Variants in CSMD3 observed in about 807,000 individuals in gnomAD.
CSMD3 encodes CUB and Sushi multiple domains 3.
CSMD3 carries 177 observed loss-of-function variants against 435.2 expected under a neutral mutation model. The ratio of observed to expected loss-of-function variants is 0.41; its 90% CI spans 0.36 to 0.46. CSMD3 has a LOEUF of 0.46. Ranked by LOEUF, CSMD3 falls within the 20% of genes least tolerant of loss-of-function variation. CSMD3 has a pLI of 0.34. For missense variants in CSMD3, 4,265 were observed against 4,504.6 expected (o/e 0.95, Z 1.52); for synonymous variants, 1,656 against 1,520.5 (o/e 1.09, Z -2.07).
chr8:113,298,300 G>A (rs2093737324), intron 2 of CSMD3, among the ~76,000 whole-genome samples: 1 of 151,818 alleles, frequency 6.6e-6, no homozygotes. Flanking sequence ...AAATACTTAC[G>A]TATTTTAACC....
rs113523179 is a variant in CSMD3 at position 112,795,435 on chromosome 8, A to C, written c.1972+4727T>G. Reference sequence around the variant, plus strand: ...GATGAAATGTATTTGAACTCTCTGCAGTTGGTAAAGATTCTTTTCCACATA... The same window carrying C: ...GATGAAATGTATTTGAACTCTCTGCCGTTGGTAAAGATTCTTTTCCACATA... On this transcript the variant is annotated intron_variant, in intron 13 of 70. Coordinates refer to ENST00000297405, the MANE Select transcript of CSMD3 (RefSeq NM_198123.2). Among the ~76,000 whole-genome samples the C allele has an allele frequency of 3.0e-3, 457 of 152,310 alleles. 4 individuals carry two copies. The highest frequency in any genetic ancestry group is 0.01 in the African/African-American group (431 of 41,588).
intron 67 of CSMD3, among the ~76,000 whole-genome samples, chr8:112,234,969 A>G (rs1375126411): frequency 6.6e-6 from 1 of 152,188 alleles, no homozygotes; most frequent in Non-Finnish European, 1.5e-5. Flanking sequence ...AGGAGGTATA[A>G]GTAAGGTACA....
chr8:113,095,131 G>C lies in CSMD3; in HGVS notation c.917+3625C>G, dbSNP rs936223594. ...GTGCATCTATTATGTAAAATTCCCT[G>C]AACAATTTATTCATAATATCTGTTC... On this transcript the variant is annotated intron_variant, in intron 5 of 70. Transcript: ENST00000297405. Among the ~76,000 whole-genome samples the C allele has an allele frequency of 2.0e-5, 3 of 151,328 alleles. 1 individual carries two copies. Among genetic ancestry groups the C allele is most frequent in the Admixed American group, 2.0e-4 (3 of 15,168 alleles).
At chr8:112,918,551 G>A (rs902187847) in intron 10 of CSMD3, among the ~76,000 whole-genome samples, 1 of 151,726 alleles carries the variant, frequency 6.6e-6, no homozygotes, top group African/African-American at 2.4e-5. Flanking sequence ...GGTCTAAAAT[G>A]AACATTCTAC....
intron 1 of CSMD3, among the ~76,000 whole-genome samples, chr8:113,358,590 T>G (rs560623848): frequency 6.6e-6 from 1 of 152,298 alleles, no homozygotes; most frequent in African/African-American, 2.4e-5. Context: ...ATAGAAAACT[T>G]TTTTAAAGGA....
At chr8:112,840,279 G>A (rs182033059) in intron 11 of CSMD3, among the ~76,000 whole-genome samples, 2 of 151,868 alleles carry the variant, frequency 1.3e-5, no homozygotes, top group East Asian at 3.9e-4. Context: ...AGATTGCTAC[G>A]GGTAATGTGG....
chr8:113,187,609 T>C (rs1246039676), intron 3 of CSMD3, among the ~76,000 whole-genome samples: 1 of 152,032 alleles, frequency 6.6e-6, no homozygotes, highest in African/African-American at 2.4e-5. Context: ...TTGATTCACA[T>C]TGACAAGAGA....
chr8:112,356,227 C>T (rs11775215), intron 38 of CSMD3, among the ~76,000 whole-genome samples: 21,340 of 152,074 alleles, frequency 0.14, 2,043 homozygotes, highest in East Asian at 0.35. Context: ...CACATGCACT[C>T]GTATGTTTAT....
At chr8:112,932,396 A>G (rs1283640762) in intron 9 of CSMD3, among the ~76,000 whole-genome samples, 1 of 152,182 alleles carries the variant, frequency 6.6e-6, no homozygotes, top group Non-Finnish European at 1.5e-5. Flanking sequence ...TGTTCATCTC[A>G]TAGACATAGA....
At chr8:112,991,657 A>G (rs2085460679) in intron 6 of CSMD3, among the ~76,000 whole-genome samples, 1 of 151,832 alleles carries the variant, frequency 6.6e-6, no homozygotes, top group Non-Finnish European at 1.5e-5. Flanking sequence ...TATACCAGTC[A>G]GTCAGTCAGT....
chr8:112,402,451 TCTAA>T (rs770217297), intron 35 of CSMD3, among the ~76,000 whole-genome samples: 23 of 152,174 alleles, frequency 1.5e-4, no homozygotes, highest in Non-Finnish European at 2.2e-4. Flanking sequence ...CTTTGAACAC[TCTAA>T]CTAAAGGAAT....
intron 10 of CSMD3, among the ~76,000 whole-genome samples, chr8:112,868,784 T>G (rs1352227078): frequency 1.3e-5 from 2 of 152,074 alleles, no homozygotes; most frequent in East Asian, 3.9e-4. Flanking sequence ...CTTCAACAAG[T>G]GGTGTTGAGA....
At chr8:113,324,202 G>T (rs1443482943) in intron 1 of CSMD3, among the ~76,000 whole-genome samples, 2 of 152,184 alleles carry the variant, frequency 1.3e-5, no homozygotes, top group Non-Finnish European at 2.9e-5. Flanking sequence ...CAAGCTGGCT[G>T]CAGAAATTTG....
At chr8:113,329,148 T>C (rs1345419183) in intron 1 of CSMD3, among the ~76,000 whole-genome samples, 8 of 151,416 alleles carry the variant, frequency 5.3e-5, no homozygotes, top group Non-Finnish European at 4.4e-5. Flanking sequence ...AGTTCAGAAA[T>C]TGGACATATA....
chr8:112,973,330 A>G (rs936255220), intron 7 of CSMD3, among the ~76,000 whole-genome samples: 3 of 151,956 alleles, frequency 2.0e-5, no homozygotes, highest in Non-Finnish European at 4.4e-5. Flanking sequence ...CAACTCATTG[A>G]AAAAGTAACT....
chr8:112,244,690 G>C, intron 64 of CSMD3, 117 bp from the exon 65 acceptor site: 1 of 689,258 alleles, frequency 1.5e-6, no homozygotes, highest in East Asian at 2.7e-5. Context: ...ATATATCTTA[G>C]AATAATTATT....
chr8:112,656,321 T>C lies in CSMD3; in HGVS notation c.2837A>G (p.Tyr946Cys). The C allele has an allele frequency of 1.2e-6, 2 of 1,613,070 alleles. No individual in the cohort carries two copies. Among genetic ancestry groups the C allele is most frequent in the African/African-American group, 1.3e-5 (1 of 75,022 alleles). Residue 946 changes from tyrosine (Y) to cysteine (C), a missense_variant, in exon 18 of 71, where the codon TAT becomes TGT. Around this residue, in one of 3 missense-constraint regions of CSMD3, gnomAD observed 3,255 missense variants for 3,380.2 expected, o/e 0.96. Coordinates refer to ENST00000297405, the MANE Select transcript of CSMD3 (RefSeq NM_198123.2). ...CCCATCATGAACTTCCAGAACATCA[T>C]AATTCAGTTCAGTCTGAAATCTAAG... ...TFERFQTELN[Y>C]DVLEVHDGPN...
intron 45 of CSMD3, among the ~76,000 whole-genome samples, chr8:112,323,966 T>C (rs1823251908): frequency 6.6e-6 from 1 of 152,128 alleles, no homozygotes; most frequent in Non-Finnish European, 1.5e-5. Flanking sequence ...CAGCCAGAAT[T>C]TGAACCAAGT....
At chr8:112,598,315 T>G (rs1035910638) in intron 22 of CSMD3, among the ~76,000 whole-genome samples, 2 of 147,674 alleles carry the variant, frequency 1.4e-5, no homozygotes, top group African/African-American at 2.5e-5. Flanking sequence ...TTACAAGGGA[T>G]GGGAAGGACC....
Sources: allele counts gnomAD v4.1 joint callset (sites outside exome capture counted in the v4.1 genomes callset), GRCh38; gene constraint gnomAD v4.1.1; regional missense constraint gnomAD v4.1.1; transcripts MANE v1.5; gene names NCBI Gene and HGNC (gene_info 2026-07-23, HGNC 2026-07-21).